KCNH8: variants seen among roughly 807,000 people sequenced by gnomAD.
The protein encoded by KCNH8 is potassium voltage-gated channel subfamily H member 8, also known as voltage-gated delayed rectifier potassium channel KCNH8.
A neutral mutation model predicts 103.6 loss-of-function variants in KCNH8; 70 were observed. The observed-to-expected ratio is 0.68, with a 90% confidence interval of 0.56 to 0.82. The LOEUF is 0.82. Ranked by LOEUF, KCNH8 falls within the 40% of genes least tolerant of loss-of-function variation. The probability of loss-of-function intolerance (pLI) is 0.00; values close to 1 mark genes in which losing one functional copy is unlikely to be tolerated. For synonymous variants in KCNH8, 498 were observed against 489.4 expected, an observed-to-expected ratio of 1.02 and a Z score of -0.23; for missense variants, 1,217 against 1,329.9, an observed-to-expected ratio of 0.92 and a Z score of 1.32.
intron 1 of KCNH8, among the ~76,000 whole-genome samples, chr3:19,185,536 G>A (rs561105198): frequency 3.3e-5 from 5 of 151,926 alleles, no homozygotes; most frequent in African/African-American, 9.6e-5. Flanking sequence ...TAGGATTTGC[G>A]TATATTTTCT....
intron 1 of KCNH8, among the ~76,000 whole-genome samples, chr3:19,221,066 C>T (rs1206951642): frequency 6.6e-6 from 1 of 152,174 alleles, no homozygotes; most frequent in Non-Finnish European, 1.5e-5. Flanking sequence ...CCTTCTGCCA[C>T]ACTTATCTTC....
At chr3:19,479,686 C>A (rs889387417) in intron 11 of KCNH8, among the ~76,000 whole-genome samples, 1 of 152,126 alleles carries the variant, frequency 6.6e-6, no homozygotes, top group Non-Finnish European at 1.5e-5. Flanking sequence ...GAGAAAGAGA[C>A]CTGCTGATTT....
chr3:19,432,190 A>G (rs1283361743), intron 7 of KCNH8, among the ~76,000 whole-genome samples: 1 of 152,160 alleles, frequency 6.6e-6, no homozygotes. Flanking sequence ...CAGATGTTAG[A>G]AAATGCATCC....
intron 15 of KCNH8, among the ~76,000 whole-genome samples, chr3:19,520,141 A>T (rs972223620): frequency 6.6e-6 from 1 of 151,558 alleles, no homozygotes; most frequent in Non-Finnish European, 1.5e-5. Context: ...CAGGTTTGTT[A>T]CATAGGTATA....
chr3:19,508,999 A>G (rs758674279), intron 11 of KCNH8, among the ~76,000 whole-genome samples: 2 of 152,230 alleles, frequency 1.3e-5, no homozygotes, highest in Non-Finnish European at 2.9e-5. Context: ...AATCCAAGCT[A>G]TAAATGAAAG....
chr3:19,207,919 C>G (rs1575437379), intron 1 of KCNH8, among the ~76,000 whole-genome samples: 1 of 151,878 alleles, frequency 6.6e-6, no homozygotes, highest in Middle Eastern at 3.4e-3. Flanking sequence ...AAAATGTTTT[C>G]TTGTGTGAAA....
intron 10 of KCNH8, among the ~76,000 whole-genome samples, chr3:19,453,281 A>ATGGTTACAATGTACCATCACCATTC (rs2067477734): frequency 2.0e-5 from 3 of 152,140 alleles, no homozygotes; most frequent in Admixed American, 2.0e-4. Flanking sequence ...GGTTACACTG[A>ATGGTTACAATGTACCATCACCATTC]AAGTCCAGAC....
chr3:19,241,206 G>T (rs533218759), intron 1 of KCNH8, among the ~76,000 whole-genome samples: 1 of 152,100 alleles, frequency 6.6e-6, no homozygotes, highest in South Asian at 2.1e-4. Context: ...ACTGTATGCA[G>T]TTTTTACATT....
chr3:19,172,481 A>G (rs75130642), intron 1 of KCNH8, among the ~76,000 whole-genome samples: 4 of 152,324 alleles, frequency 2.6e-5, no homozygotes, highest in African/African-American at 9.6e-5. Flanking sequence ...CCTAGACTTT[A>G]TAAAACTCCT....
intron 11 of KCNH8, among the ~76,000 whole-genome samples, chr3:19,458,564 G>A (rs966206779): frequency 6.6e-6 from 1 of 151,854 alleles, no homozygotes; most frequent in Admixed American, 6.6e-5. Flanking sequence ...GCTAATTAAT[G>A]TATGCATTTC....
At chr3:19,290,321 G>T (rs936975173) in intron 3 of KCNH8, among the ~76,000 whole-genome samples, 4 of 152,132 alleles carry the variant, frequency 2.6e-5, no homozygotes, top group South Asian at 2.1e-4. Flanking sequence ...CCTGTCTTGT[G>T]CCAGTTTTCA....
rs146370463 is a variant in KCNH8, at chr3:19,382,593, C to T, written c.812-7888C>T. ...TGAAAATAATACTATTAATATGTGACGCAGTCTTAGATTAAGTCATTCATT... is the reference window on the plus strand; with the variant it reads ...TGAAAATAATACTATTAATATGTGATGCAGTCTTAGATTAAGTCATTCATT... On this transcript the variant is annotated intron_variant, in intron 5 of 15. Coordinates refer to ENST00000328405, the MANE Select transcript of KCNH8 (RefSeq NM_144633.3). Among the ~76,000 whole-genome samples the T allele has an allele frequency of 6.8e-4, 104 of 152,166 alleles. No homozygotes were observed. The Middle Eastern group carries it at 0.01, about 15-fold the overall frequency.
chr3:19,507,307 G>A (rs1399434538), intron 11 of KCNH8, among the ~76,000 whole-genome samples: 1 of 152,156 alleles, frequency 6.6e-6, no homozygotes, highest in African/African-American at 2.4e-5. Context: ...TTGCCTCTGG[G>A]AGCCCCCACC....
intron 15 of KCNH8, among the ~76,000 whole-genome samples, chr3:19,530,469 T>G (rs2069141212): frequency 6.6e-6 from 1 of 152,136 alleles, no homozygotes; most frequent in Non-Finnish European, 1.5e-5. Flanking sequence ...TGCAAAGGTA[T>G]TTCAATCATG....
At chr3:19,165,505 G>C (rs182906573) in intron 1 of KCNH8, among the ~76,000 whole-genome samples, 1 of 152,026 alleles carries the variant, frequency 6.6e-6, no homozygotes, top group Non-Finnish European at 1.5e-5. Flanking sequence ...GCAAGCTTTG[G>C]ACTTACAGCA....
chr3:19,254,132 T>C (rs1442452836), intron 2 of KCNH8, among the ~76,000 whole-genome samples: 3 of 152,076 alleles, frequency 2.0e-5, no homozygotes, highest in African/African-American at 7.2e-5. Flanking sequence ...ATATATTAAC[T>C]GAGTTAATAT....
intron 12 of KCNH8, 134 bp from the exon 13 acceptor site, chr3:19,512,836 C>T: frequency 1.3e-6 from 1 of 765,350 alleles, no homozygotes; most frequent in Non-Finnish European, 2.1e-6. Context: ...ACAAAATCTG[C>T]AAAGACTTCA....
Position 19,426,491 on chromosome 3 carries a change from CT to C in KCNH8, c.1178-11672del, listed in dbSNP as rs534318376. ...CAGATAGATATGCATATTGGGGCCC[CT>C]GATGTGCTCTGCACTAGAAATAACT... On this transcript the variant is annotated intron_variant, in intron 7 of 15. Transcript: ENST00000328405. 1.4e-3 allele frequency among the ~76,000 whole-genome samples: 207 copies of C among 151,172 alleles called. 1 individual carries two copies. The highest frequency in any genetic ancestry group is 4.0e-3 in the African/African-American group (164 of 41,114).
At chr3:19,271,751 C>T (rs2064591536) in intron 2 of KCNH8, among the ~76,000 whole-genome samples, 2 of 152,094 alleles carry the variant, frequency 1.3e-5, no homozygotes, top group African/African-American at 4.8e-5. Flanking sequence ...GAATATTCAG[C>T]AAGTAAATGG....
Sources: gnomAD v4.1 joint callset for allele counts (sites outside exome capture counted in the v4.1 genomes callset) on GRCh38, gnomAD v4.1.1 for gene constraint, MANE v1.5 for transcripts, NCBI Gene and HGNC (gene_info 2026-07-23, HGNC 2026-07-21) for gene names.